Variants in STRADA observed in about 807,000 individuals in gnomAD.
STRADA encodes the protein STE20 related adaptor alpha.
STRADA carries 26 observed loss-of-function variants against 55.0 expected under a neutral mutation model. That is an observed-to-expected ratio of 0.47 (90% CI 0.35 to 0.66). STRADA has a LOEUF of 0.66. STRADA is among the 30% of genes least tolerant of loss of function. STRADA has a pLI of 0.01. For synonymous variants in STRADA, 197 were observed against 210.9 expected (o/e 0.93, Z 0.57); for missense variants, 443 against 549.7 (o/e 0.81, Z 1.94).
rs77508973 is a variant in STRADA at position 63,733,653 on chromosome 17, T to C, written c.-44-5240A>G. 0.015 allele frequency among the ~76,000 whole-genome samples: 2,216 copies of C among 152,288 alleles called. 110 individuals carry two copies. In the East Asian group the frequency reaches 0.15, roughly 10 times the overall value. On this transcript the variant is annotated intron_variant, in intron 1 of 12. Coordinates refer to ENST00000336174, the MANE Select transcript of STRADA (RefSeq NM_001003787.4). The stretch of plus-strand genomic sequence containing the variant: ...TGGCTGGCATTGGGGAACTTGGATT[T>C]TGAGAGATTTCCCATTTTCCTAAAA...
At chr17:63,733,872 GC>G (rs2038238174) in intron 1 of STRADA, among the ~76,000 whole-genome samples, 1 of 152,174 alleles carries the variant, frequency 6.6e-6, no homozygotes. Flanking sequence ...ACAACTTCTT[GC>G]TTTGAGTCCT....
chr17:63,712,915 C>G (rs1257695233), intron 6 of STRADA, among the ~76,000 whole-genome samples: 1 of 151,164 alleles, frequency 6.6e-6, no homozygotes, highest in Non-Finnish European at 1.5e-5. Flanking sequence ...GCAGGAGAAT[C>G]GCTTGAACCT....
intron 1 of STRADA, among the ~76,000 whole-genome samples, chr17:63,740,183 C>CACAA (rs765305938): frequency 1.4e-5 from 2 of 140,402 alleles, no homozygotes; most frequent in Non-Finnish European, 3.1e-5. Flanking sequence ...CACACACACA[C>CACAA]AACAAAGCAA....
chr17:63,707,162 G>C, intron 9 of STRADA, 85 bp downstream of exon 9: 3 of 1,556,108 alleles, frequency 1.9e-6, no homozygotes, highest in Non-Finnish European at 2.6e-6. Flanking sequence ...GGGAGGTTGA[G>C]AGCCCCCGAC....
intron 8 of STRADA, among the ~76,000 whole-genome samples, chr17:63,709,379 T>C (rs2036336414): frequency 6.6e-6 from 1 of 152,238 alleles, no homozygotes; most frequent in Non-Finnish European, 1.5e-5. Context: ...TATGATGGGT[T>C]TGTCTTGGGG....
Position 63,728,315 on chromosome 17 carries a change from A to C in STRADA, c.36+19T>G. The stretch of plus-strand genomic sequence containing the variant: ...AGAAAACAAAAATAGTAAAGCCAGA[A>C]GAATAGAAAAACACTCACCCTGATT... On this transcript the variant is annotated intron_variant, in intron 2 of 12. Transcript: ENST00000336174. The C allele has an allele frequency of 1.2e-6, 2 of 1,613,260 alleles. No homozygotes were observed. The highest frequency in any genetic ancestry group is 1.7e-6 in the Non-Finnish European group (2 of 1,179,678).
chr17:63,707,918 T>C (rs1368847871), intron 8 of STRADA, among the ~76,000 whole-genome samples: 2 of 151,478 alleles, frequency 1.3e-5, no homozygotes, highest in African/African-American at 4.9e-5. Flanking sequence ...TTTGTATTTT[T>C]AGTGGAGACA....
At chr17:63,719,747 G>C (rs528137778) in intron 4 of STRADA, among the ~76,000 whole-genome samples, 128 of 152,272 alleles carry the variant, frequency 8.4e-4, no homozygotes, top group African/African-American at 3.0e-3. Context: ...GCCTCCCAAA[G>C]TGCTGGGGTT....
At chr17:63,739,361 T>C (rs966067003) in intron 1 of STRADA, among the ~76,000 whole-genome samples, 1 of 152,066 alleles carries the variant, frequency 6.6e-6, no homozygotes, top group African/African-American at 2.4e-5. Context: ...TGAAGGACTT[T>C]TCTATTTTCA....
At chr17:63,729,049 TA>T (rs1167932293) in intron 1 of STRADA, among the ~76,000 whole-genome samples, 1 of 152,168 alleles carries the variant, frequency 6.6e-6, no homozygotes, top group Non-Finnish European at 1.5e-5. Context: ...TCCTGCTTTT[TA>T]TTTATTTACT....
At chr17:63,731,562 C>T (rs1247549351) in intron 1 of STRADA, among the ~76,000 whole-genome samples, 1 of 152,104 alleles carries the variant, frequency 6.6e-6, no homozygotes, top group East Asian at 1.9e-4. Context: ...CCGCGCCTGG[C>T]CGGCCCTGAT....
At chr17:63,722,644 A>G (rs896501401) in intron 4 of STRADA, among the ~76,000 whole-genome samples, 7 of 152,238 alleles carry the variant, frequency 4.6e-5, no homozygotes, top group African/African-American at 1.7e-4. Flanking sequence ...GAACAGAGTC[A>G]GAAGTCTAGG....
At chr17:63,714,279 T>G (rs2036711240) in intron 4 of STRADA, 171 bp from the exon 5 acceptor site, 2 of 607,244 alleles carry the variant, frequency 3.3e-6, no homozygotes, top group African/African-American at 3.6e-5. Flanking sequence ...TTCAGGGTAG[T>G]AATCAGCACT....
rs1179891554 is a variant in STRADA at position 63,713,483 on chromosome 17, T to C, written c.271A>G (p.Lys91Glu). ...DLMTVNLARY[K>E]PTGEYVTVRR... Reference sequence around the variant, plus strand: ...ACAGTCACGTACTCTCCTGTTGGTTTGTACCTTGCTAGATTCACAGTCATC... The same window carrying C: ...ACAGTCACGTACTCTCCTGTTGGTTCGTACCTTGCTAGATTCACAGTCATC... The change falls in exon 6 of 13, where the codon AAA (lysine) becomes GAA (glutamate). Residue 91 changes from lysine (K) to glutamate (E), a missense_variant. Transcript: ENST00000336174. 1.2e-6 allele frequency: 2 copies of C among 1,614,116 alleles called. No individual in the cohort carries two copies. The highest frequency in any genetic ancestry group is 1.7e-6 in the Non-Finnish European group (2 of 1,180,042).
intron 8 of STRADA, among the ~76,000 whole-genome samples, chr17:63,708,925 G>A (rs73992363): frequency 0.022 from 3,297 of 152,266 alleles, 116 homozygotes; most frequent in African/African-American, 0.074. Flanking sequence ...ACTGTGTTCC[G>A]CATCCCATTC....
chr17:63,741,918 C>T (rs2038984844), upstream of STRADA: 2 of 152,314 alleles, frequency 1.3e-5, no homozygotes, highest in South Asian at 4.1e-4. Context: ...GGAAGTCCCG[C>T]CCTTTCCGAG....
intron 1 of STRADA, among the ~76,000 whole-genome samples, chr17:63,734,411 G>A (rs1480442224): frequency 6.6e-6 from 1 of 152,166 alleles, no homozygotes; most frequent in Non-Finnish European, 1.5e-5. Flanking sequence ...GCAAGGCTGA[G>A]GCAGGCGGAT....
intron 2 of STRADA, chr17:63,726,952 T>C (rs757750896): frequency 6.1e-5 from 30 of 495,222 alleles, no homozygotes; most frequent in Non-Finnish European, 9.3e-5. Flanking sequence ...GCTGTAATAA[T>C]GAAGACTGTT....
At chr17:63,735,505 G>C (rs1308103961) in intron 1 of STRADA, among the ~76,000 whole-genome samples, 1 of 152,192 alleles carries the variant, frequency 6.6e-6, no homozygotes, top group Non-Finnish European at 1.5e-5. Context: ...GTTTCTAGGA[G>C]AGACCTTAAA....
Sources: gnomAD v4.1 joint callset for allele counts (sites outside exome capture counted in the v4.1 genomes callset) on GRCh38, gnomAD v4.1.1 for gene constraint, MANE v1.5 for transcripts, NCBI Gene and HGNC (gene_info 2026-07-23, HGNC 2026-07-21) for gene names.